FRYL: variants seen among roughly 807,000 people sequenced by gnomAD.
FRYL encodes FRY like transcription coactivator, also known as protein furry homolog-like.
Under a neutral mutation model 351.2 loss-of-function variants are expected in FRYL, and 150 were observed. That is an observed-to-expected ratio of 0.43 (90% CI 0.37 to 0.49). The LOEUF is 0.49. Ranked by LOEUF, FRYL falls within the 20% of genes least tolerant of loss-of-function variation. The pLI is 0.00. For missense variants in FRYL, 3,036 were observed against 3,619.3 expected, an observed-to-expected ratio of 0.84 and a Z score of 4.13; for synonymous variants, 1,153 against 1,257.1, an observed-to-expected ratio of 0.92 and a Z score of 1.75.
chr4:48,541,004 C>CTTTTGCTAAATTAA, intron 45 of FRYL, 44 bp from the exon 46 acceptor site: 1 of 1,439,426 alleles, frequency 6.9e-7, no homozygotes, highest in South Asian at 1.7e-5. Context: ...CCAGTCACTT[C>CTTTTGCTAAATTAA]TTTTGCTAAA....
At chr4:48,650,514 G>A (rs1757402067) in intron 3 of FRYL, among the ~76,000 whole-genome samples, 1 of 152,314 alleles carries the variant, frequency 6.6e-6, no homozygotes, top group South Asian at 2.1e-4. Context: ...ACTGAAGGAA[G>A]AATGGGTCTT....
chr4:48,554,835 A>C (rs1344561485), intron 35 of FRYL, among the ~76,000 whole-genome samples: 1 of 152,150 alleles, frequency 6.6e-6, no homozygotes, highest in Non-Finnish European at 1.5e-5. Context: ...AATCCTATCA[A>C]GTCTTCAAGC....
chr4:48,583,983 G>A (rs1313177602), intron 19 of FRYL, among the ~76,000 whole-genome samples: 1 of 152,028 alleles, frequency 6.6e-6, no homozygotes, highest in Non-Finnish European at 1.5e-5. Flanking sequence ...CAAATTAGGA[G>A]ATGCTATATA....
intron 7 of FRYL, among the ~76,000 whole-genome samples, chr4:48,612,322 C>G (rs1748372164): frequency 6.6e-6 from 1 of 152,112 alleles, no homozygotes; most frequent in Non-Finnish European, 1.5e-5. Flanking sequence ...CCTTTTGACC[C>G]TGGTAATCTT....
chr4:48,528,095 C>T (rs1227169973), intron 51 of FRYL, 50 bp from the exon 52 acceptor site: 6 of 1,549,520 alleles, frequency 3.9e-6, no homozygotes, highest in Non-Finnish European at 5.2e-6. Flanking sequence ...TAAAATAAGA[C>T]AAATTCTCAA....
chr4:48,514,422 T>C (rs913186094), intron 56 of FRYL, among the ~76,000 whole-genome samples: 5 of 152,272 alleles, frequency 3.3e-5, no homozygotes, highest in African/African-American at 4.8e-5. Flanking sequence ...CTAAAAGCTA[T>C]ATATAACATA....
chr4:48,747,135 T>G (rs1414607516), intron 1 of FRYL, among the ~76,000 whole-genome samples: 1 of 146,552 alleles, frequency 6.8e-6, no homozygotes. Flanking sequence ...GAGAGGGAGG[T>G]TCCCTCAAAC....
intron 3 of FRYL, among the ~76,000 whole-genome samples, chr4:48,672,496 C>T (rs553695201): frequency 2.6e-5 from 4 of 152,282 alleles, no homozygotes; most frequent in African/African-American, 7.2e-5. Flanking sequence ...CACTATGACA[C>T]TATGAAAGCC....
At chr4:48,641,146 ACT>A (rs1047016782) in intron 3 of FRYL, among the ~76,000 whole-genome samples, 6 of 152,168 alleles carry the variant, frequency 3.9e-5, no homozygotes, top group African/African-American at 1.4e-4. Flanking sequence ...CCAGAGGAAA[ACT>A]CTACATTTGA....
intron 2 of FRYL, 124 bp downstream of exon 2, chr4:48,710,395 G>A (rs1327542762): frequency 4.2e-5 from 16 of 377,346 alleles, no homozygotes; most frequent in Middle Eastern, 6.4e-4. Context: ...TTGAGGTCTT[G>A]AAAAATCTGA....
intron 3 of FRYL, among the ~76,000 whole-genome samples, chr4:48,635,247 T>C (rs530532820): frequency 2.0e-4 from 31 of 152,238 alleles, no homozygotes; most frequent in Middle Eastern, 3.4e-3. Context: ...TGGAGAGGGA[T>C]AGAATCTGGC....
chr4:48,600,286 C>T (rs1323260436), intron 13 of FRYL, among the ~76,000 whole-genome samples: 1 of 152,124 alleles, frequency 6.6e-6, no homozygotes, highest in Non-Finnish European at 1.5e-5. Context: ...AGGCTCAACT[C>T]CTTACCTCAA....
intron 1 of FRYL, among the ~76,000 whole-genome samples, chr4:48,748,519 G>T (rs928629019): frequency 6.6e-6 from 1 of 152,116 alleles, no homozygotes; most frequent in Admixed American, 6.6e-5. Flanking sequence ...CCTTCCTCCT[G>T]ACTGAACACA....
intron 7 of FRYL, among the ~76,000 whole-genome samples, chr4:48,614,290 C>T (rs1017751498): frequency 2.6e-5 from 4 of 152,112 alleles, no homozygotes; most frequent in African/African-American, 4.8e-5. Flanking sequence ...AATCTCATTT[C>T]GGGTCACAAA....
intron 59 of FRYL, chr4:48,505,824 G>A (rs1197520906): frequency 8.4e-6 from 4 of 478,860 alleles, no homozygotes; most frequent in Non-Finnish European, 1.5e-5. Context: ...GCACACACTT[G>A]TGACAGCTAT....
chr4:48,663,769 C>A (rs1243710720), intron 3 of FRYL, among the ~76,000 whole-genome samples: 2 of 64,758 alleles, frequency 3.1e-5, no homozygotes, highest in African/African-American at 6.8e-5. Flanking sequence ...AGCGAGACTC[C>A]GTCTCAAAAA....
chr4:48,688,709 C>A (rs1370865551), intron 2 of FRYL, among the ~76,000 whole-genome samples: 2 of 126,678 alleles, frequency 1.6e-5, no homozygotes, highest in African/African-American at 6.1e-5. Flanking sequence ...TGTTGCCAGG[C>A]TGGAGTACAG....
At chr4:48,772,945 G>T (rs1775665100) in intron 1 of FRYL, among the ~76,000 whole-genome samples, 1 of 152,216 alleles carries the variant, frequency 6.6e-6, no homozygotes, top group Non-Finnish European at 1.5e-5. Context: ...CCAACAGTGG[G>T]ATGTCGTTGG....
At chr4:48,717,128 G>C (rs1401449550) in intron 1 of FRYL, among the ~76,000 whole-genome samples, 2 of 119,716 alleles carry the variant, frequency 1.7e-5, no homozygotes, top group Non-Finnish European at 1.7e-5. Flanking sequence ...GTTGTGGGGT[G>C]GGGGGAGGGG....
Sources: allele counts gnomAD v4.1 joint callset (sites outside exome capture counted in the v4.1 genomes callset), GRCh38; gene constraint gnomAD v4.1.1; transcripts MANE v1.5; gene names NCBI Gene and HGNC (gene_info 2026-07-23, HGNC 2026-07-21).